The following GIMAP2 variants were observed in gnomAD, a reference collection of about 807,000 sequenced individuals.
The protein encoded by GIMAP2 is GTPase IMAP family member 2.
GIMAP2 carries 22 observed loss-of-function variants against 25.5 expected under a neutral mutation model. The observed-to-expected ratio is 0.86, with a 90% confidence interval of 0.62 to 1.23. The LOEUF (loss-of-function observed/expected upper bound fraction) is 1.23, where lower values mean the gene tolerates loss of function less well. GIMAP2 is among the 50% of genes most tolerant of loss of function. The pLI, the probability that GIMAP2 is intolerant of heterozygous loss-of-function variation, is 0.00. For missense variants in GIMAP2, 422 were observed against 395.7 expected (o/e 1.07, Z -0.56); for synonymous variants, 167 against 143.0 (o/e 1.17, Z -1.20).
chr7:150,691,957 C>T (rs1796969403), intron 2 of GIMAP2, among the ~76,000 whole-genome samples: 2 of 152,056 alleles, frequency 1.3e-5, no homozygotes, highest in Admixed American at 6.6e-5. Flanking sequence ...CGGCTGGGCC[C>T]GGTGGCTCAC....
At chr7:150,690,104 A>G (rs1458006775) in intron 2 of GIMAP2, among the ~76,000 whole-genome samples, 2 of 152,286 alleles carry the variant, frequency 1.3e-5, no homozygotes, top group Admixed American at 6.5e-5. Flanking sequence ...CTAGGAAGCT[A>G]TGTTTTGAAC....
chr7:150,692,886 C>T lies in GIMAP2; in HGVS notation c.600C>T (p.Asp200=), dbSNP rs1418669173. The T allele has an allele frequency of 6.2e-7, 1 of 1,614,022 alleles. No homozygotes were observed. The highest frequency in any genetic ancestry group is 8.5e-7 in the Non-Finnish European group (1 of 1,179,958). The change falls in exon 3 of 3, where the codon GAC becomes GAT. Residue 200 remains aspartate, a synonymous_variant. Transcript: ENST00000223293. Reference sequence around the variant, plus strand: ...ATGACCAAGTGAAGGAACTAATGGACTGTATTGAGGATCTGTTGATGGAGA... The same window carrying T: ...ATGACCAAGTGAAGGAACTAATGGATTGTATTGAGGATCTGTTGATGGAGA... ...NQDDQVKELM[D]CIEDLLMEKN...
intron 1 of GIMAP2, among the ~76,000 whole-genome samples, chr7:150,686,152 A>G (rs556476091): frequency 6.6e-6 from 1 of 152,332 alleles, no homozygotes; most frequent in Admixed American, 6.5e-5. Context: ...TAGTTCCTAC[A>G]TTGCAAGGGC....
In GIMAP2 at chr7:150,693,108, A is replaced by G; in HGVS notation, c.822A>G (p.Leu274=). The change falls in exon 3 of 3, where the codon TTA becomes TTG. Residue 274 remains leucine, a synonymous_variant. Coordinates refer to ENST00000223293, the MANE Select transcript of GIMAP2 (RefSeq NM_015660.3). ...TAATCAAAACACAACTGTGTGTTTT[A>G]TTTTGTATTCAGTTGTTTCTCAGAT... is the stretch of plus-strand genomic sequence containing the variant. The part of the protein sequence containing the change: ...GALIKTQLCV[L]FCIQLFLRLI... The G allele has an allele frequency of 6.2e-7, 1 of 1,612,920 alleles. No homozygotes were observed. Among genetic ancestry groups the G allele is most frequent in the Non-Finnish European group, 8.5e-7 (1 of 1,178,902 alleles).
In GIMAP2 at chr7:150,692,802, G is replaced by A. The variant is rs912122284; in HGVS notation, c.516G>A (p.Val172=). The A allele has an allele frequency of 6.8e-6, 11 of 1,614,114 alleles. No homozygotes were observed. Among genetic ancestry groups the A allele is most frequent in the Non-Finnish European group, 9.3e-6 (11 of 1,180,054 alleles). The change falls in exon 3 of 3, where the codon GTG becomes GTA. Residue 172 remains valine (V), a synonymous_variant. Coordinates refer to ENST00000223293, the MANE Select transcript of GIMAP2 (RefSeq NM_015660.3). ...ATAACAAAGCCCTAAGCAAGCTGGTGGCAGCATGTGGTGGGCGAATCTGTG... is the reference window on the plus strand; with the variant it reads ...ATAACAAAGCCCTAAGCAAGCTGGTAGCAGCATGTGGTGGGCGAATCTGTG... The part of the protein sequence containing the change: ...DSDNKALSKL[V]AACGGRICAF...
intron 2 of GIMAP2, among the ~76,000 whole-genome samples, chr7:150,691,956 C>A (rs1371843035): frequency 6.6e-6 from 1 of 152,030 alleles, no homozygotes; most frequent in African/African-American, 2.4e-5. Context: ...CCGGCTGGGC[C>A]CGGTGGCTCA....
At position 150,685,768 on chromosome 7, in the gene GIMAP2, C is replaced by T. The variant is rs1275191981; in HGVS notation, c.-26C>T. ...GGACTGAACAGGGAGCCAACTGTTT[C>T]TTTGAACAGTAAATCAGGTAAGCCC... On this transcript the variant is annotated 5_prime_UTR_variant, in exon 1 of 3. Transcript: ENST00000223293. 1.0e-6 allele frequency: 1 copy of T among 981,244 alleles called. No individual in the cohort carries two copies. The highest frequency in any genetic ancestry group is 1.2e-6 in the Non-Finnish European group (1 of 826,266). 60.8% of individuals were successfully genotyped at this position (981,244 alleles called of 1,614,324 possible). A position where few individuals can be genotyped will look rare whatever the true frequency, so the allele number is the denominator to read the frequency against.
chr7:150,689,619 A>G, intron 2 of GIMAP2: 1 of 694,150 alleles, frequency 1.4e-6, no homozygotes, highest in Non-Finnish European at 2.6e-6. Context: ...TTTTAAGTAC[A>G]AGTGTCCATT....
At chr7:150,690,905 TC>T (rs1395345745) in intron 2 of GIMAP2, among the ~76,000 whole-genome samples, 1 of 152,260 alleles carries the variant, frequency 6.6e-6, no homozygotes, top group East Asian at 1.9e-4. Flanking sequence ...AAGCTCATTT[TC>T]TTTGTACAGT....
intron 1 of GIMAP2, among the ~76,000 whole-genome samples, chr7:150,686,084 C>T (rs1339804391): frequency 1.3e-5 from 2 of 152,154 alleles, no homozygotes; most frequent in African/African-American, 4.8e-5. Context: ...CTATGCCTGC[C>T]AGATTTAAGC....
chr7:150,689,443 T>G, intron 2 of GIMAP2: 1 of 698,476 alleles, frequency 1.4e-6, no homozygotes. Context: ...AACTCAGGAC[T>G]CCCACCGCTT....
chr7:150,688,850 G>T (rs1796934887), intron 2 of GIMAP2, among the ~76,000 whole-genome samples: 1 of 152,162 alleles, frequency 6.6e-6, no homozygotes, highest in Admixed American at 6.5e-5. Flanking sequence ...GGGCTAAGTT[G>T]CAGGCTTCCC....
chr7:150,692,969 G>C lies in GIMAP2; in HGVS notation c.683G>C (p.Gly228Ala). Residue 228 changes from glycine (G) to alanine (A), a missense_variant, in exon 3 of 3, where the codon GGA (glycine) becomes GCA (alanine). Transcript: ENST00000223293. ...AGCCTAATACAGAGGTCTAAATGTG[G>C]ACCTGTGGGATCAGATGAAAGAGTA... ...LYSLIQRSKC[G>A]PVGSDERVKE... The C allele has an allele frequency of 6.2e-7, 1 of 1,614,012 alleles. No homozygotes were observed. Among genetic ancestry groups the C allele is most frequent in the Non-Finnish European group, 8.5e-7 (1 of 1,179,848 alleles).
At position 150,692,899 on chromosome 7, in the gene GIMAP2, C is replaced by T; in HGVS notation, c.613C>T (p.Leu205=). Residue 205 remains leucine (L), a synonymous_variant, in exon 3 of 3, where the codon CTG becomes TTG. Transcript: ENST00000223293. ...VKELMDCIED[L]LMEKNGDHYT... ...GGAACTAATGGACTGTATTGAGGAT[C>T]TGTTGATGGAGAAAAATGGTGATCA... The T allele has an allele frequency of 6.2e-7, 1 of 1,614,128 alleles. No homozygotes were observed. Among genetic ancestry groups the T allele is most frequent in the Non-Finnish European group, 8.5e-7 (1 of 1,180,006 alleles).
chr7:150,689,406 T>G lies in GIMAP2; in HGVS notation c.28+2319T>G, dbSNP rs1201868184. On this transcript the variant is annotated intron_variant, in intron 2 of 2. Coordinates refer to ENST00000223293, the MANE Select transcript of GIMAP2 (RefSeq NM_015660.3). ...CCTATACCCTCCCCATGGGAGAGAA[T>G]GAGGTAGCACTCCCTAGGAGGCCAG... is the stretch of plus-strand genomic sequence containing the variant. 3 of 663,872 alleles carry G rather than the reference T, an allele frequency of 4.5e-6. No homozygotes were observed. The Admixed American group carries it at 6.3e-5, about 14-fold the overall frequency. The allele number at this position is 663,872 out of a possible 1,614,324, so 41.1% of individuals were successfully genotyped here. A position where few individuals can be genotyped will look rare whatever the true frequency, so the allele number is the denominator to read the frequency against.
chr7:150,688,783 C>T (rs941275665), intron 2 of GIMAP2, among the ~76,000 whole-genome samples: 2 of 152,162 alleles, frequency 1.3e-5, no homozygotes, highest in Non-Finnish European at 2.9e-5. Context: ...ACCGCCATCC[C>T]ATGCCCCATT....
At position 150,693,542 on chromosome 7, in the gene GIMAP2, A is replaced by G. The variant is rs541911925; in HGVS notation, c.*242A>G. ...CTCTCATTTTCAAATATCTAAAGCC[A>G]GTTTTATGTTCCTAAAATCTCATTT... On this transcript the variant is annotated 3_prime_UTR_variant, in exon 3 of 3. Coordinates refer to ENST00000223293, the MANE Select transcript of GIMAP2 (RefSeq NM_015660.3). 36 of 386,648 alleles carry G rather than the reference A, an allele frequency of 9.3e-5. No individual in the cohort carries two copies. The Middle Eastern group carries it at 2.1e-3, about 23-fold the overall frequency. The allele number at this position is 386,648 out of a possible 1,614,324, so 24.0% of individuals were successfully genotyped here. A position where few individuals can be genotyped will look rare whatever the true frequency, so the allele number is the denominator to read the frequency against.
intron 2 of GIMAP2, chr7:150,687,439 AT>A (rs577970305): frequency 5.9e-4 from 113 of 190,726 alleles, no homozygotes; most frequent in Middle Eastern, 4.0e-3. Flanking sequence ...CGCCCAGCTA[AT>A]TTTTTTTTGT....
rs1413228841 is a variant in GIMAP2 at position 150,692,713 on chromosome 7, G to A, written c.427G>A (p.Val143Ile). The change falls in exon 3 of 3, where the codon GTC (valine) becomes ATC (isoleucine). Residue 143 changes from valine to isoleucine, a missense_variant. By Grantham distance (29) the Val-to-Ile change is conservative. Transcript: ENST00000223293. ...AGAGGATGCCATGGGACACACAATT[G>A]TCCTCTTTACCCACAAGGAAGACCT... Reference protein sequence around the residue: ...FGEDAMGHTIVLFTHKEDLNG... With the variant: ...FGEDAMGHTIILFTHKEDLNG... The A allele has an allele frequency of 6.2e-7, 1 of 1,614,164 alleles. No homozygotes were observed. Among genetic ancestry groups the A allele is most frequent in the Non-Finnish European group, 8.5e-7 (1 of 1,180,032 alleles).
Sources: gnomAD v4.1 joint callset for allele counts (sites outside exome capture counted in the v4.1 genomes callset) on GRCh38, gnomAD v4.1.1 for gene constraint, MANE v1.5 for transcripts, NCBI Gene and HGNC (gene_info 2026-07-23, HGNC 2026-07-21) for gene names.